MLIP: variants seen among roughly 807,000 people sequenced by gnomAD.
The protein encoded by MLIP is muscular LMNA-interacting protein.
Under a neutral mutation model 84.8 loss-of-function variants are expected in MLIP, and 79 were observed. The observed-to-expected ratio is 0.93, with a 90% CI of 0.78 to 1.12. The LOEUF is 1.12. MLIP is among the 50% of genes most tolerant of loss of function. MLIP has a pLI of 0.00. For synonymous variants in MLIP, 504 were observed against 463.0 expected (o/e 1.09, Z -1.14); for missense variants, 1,257 against 1,160.6 (o/e 1.08, Z -1.21).
At chr6:54,140,377 A>C (rs1315942085) in intron 4 of MLIP, among the ~76,000 whole-genome samples, 1 of 152,220 alleles carries the variant, frequency 6.6e-6, no homozygotes, top group African/African-American at 2.4e-5. Context: ...TGCACCCAAC[A>C]TTGAAAAATT....
At chr6:54,215,534 G>A in intron 11 of MLIP, 1 of 387,800 alleles carries the variant, frequency 2.6e-6, no homozygotes, top group Non-Finnish European at 3.9e-6. Flanking sequence ...TTTGATGTAT[G>A]TGTACATTGT....
intron 11 of MLIP, among the ~76,000 whole-genome samples, chr6:54,206,983 T>C (rs1179852588): frequency 6.6e-6 from 1 of 152,222 alleles, no homozygotes; most frequent in African/African-American, 2.4e-5. Context: ...GAGAAATATT[T>C]TGGGGTAAAT....
chr6:54,239,369 TA>T (rs1781574950), intron 12 of MLIP, among the ~76,000 whole-genome samples: 7 of 145,590 alleles, frequency 4.8e-5, no homozygotes, highest in South Asian at 4.3e-4. Flanking sequence ...ATATATATAA[TA>T]TATATATATA....
chr6:54,043,573 C>T (rs1294328160), intron 1 of MLIP: 1 of 152,274 alleles, frequency 6.6e-6, no homozygotes, highest in African/African-American at 2.4e-5. Flanking sequence ...AGTATGTTCT[C>T]TACCCACTTC....
At chr6:54,074,271 C>G (rs1766659042) in intron 1 of MLIP, among the ~76,000 whole-genome samples, 1 of 152,112 alleles carries the variant, frequency 6.6e-6, no homozygotes, top group Non-Finnish European at 1.5e-5. Context: ...CCTGCCTACA[C>G]CTTGCAGATG....
intron 5 of MLIP, among the ~76,000 whole-genome samples, chr6:54,157,547 C>T (rs1774157080): frequency 6.6e-6 from 1 of 152,070 alleles, no homozygotes; most frequent in Admixed American, 6.6e-5. Context: ...ATTGTGACCT[C>T]CATGTGGCCC....
intron 1 of MLIP, chr6:54,028,832 C>T (rs1763966883): frequency 6.6e-6 from 1 of 152,170 alleles, no homozygotes; most frequent in African/African-American, 2.4e-5. Flanking sequence ...TGGAATTTGT[C>T]TTCCTTGACT....
intron 1 of MLIP, among the ~76,000 whole-genome samples, chr6:54,044,586 T>C (rs1165069631): frequency 1.3e-5 from 2 of 152,334 alleles, no homozygotes; most frequent in East Asian, 3.9e-4. Flanking sequence ...CATGGCTGCT[T>C]TTGCCAATTT....
intron 1 of MLIP, among the ~76,000 whole-genome samples, chr6:54,040,355 G>C (rs1764673497): frequency 6.6e-6 from 1 of 151,920 alleles, no homozygotes; most frequent in South Asian, 2.1e-4. Flanking sequence ...TTTGAGGTAA[G>C]AGAGTAAATG....
intron 1 of MLIP, among the ~76,000 whole-genome samples, chr6:54,078,565 CAGAG>C (rs1766944213): frequency 6.6e-6 from 1 of 152,030 alleles, no homozygotes; most frequent in South Asian, 2.1e-4. Context: ...GCCTGGGCAA[CAGAG>C]AGAGACCCTG....
intron 13 of MLIP, 92 bp from the exon 14 acceptor site, chr6:54,265,852 TAGGAGA>T: frequency 4.5e-6 from 5 of 1,112,420 alleles, no homozygotes; most frequent in Admixed American, 2.2e-5. Context: ...CATTTTTTTG[TAGGAGA>T]TGCTATGCCC....
At chr6:54,158,482 T>C (rs761909823) in intron 5 of MLIP, among the ~76,000 whole-genome samples, 3 of 152,156 alleles carry the variant, frequency 2.0e-5, no homozygotes, top group Admixed American at 1.3e-4. Context: ...CCATGGCATA[T>C]ATTTTTTGTG....
intron 10 of MLIP, among the ~76,000 whole-genome samples, chr6:54,199,296 C>T (rs1778511487): frequency 1.3e-5 from 2 of 152,106 alleles, no homozygotes; most frequent in East Asian, 1.9e-4. Context: ...TCACACCAAA[C>T]ATGGATTTAA....
intron 13 of MLIP, among the ~76,000 whole-genome samples, chr6:54,264,166 G>T (rs1276099550): frequency 3.9e-5 from 6 of 152,030 alleles, no homozygotes; most frequent in Non-Finnish European, 8.8e-5. Flanking sequence ...AGGATGATCT[G>T]CCTATGGTGC....
rs376303712 is a variant in MLIP, at chr6:54,064,522, G to A, written c.63+45431G>A. Reference sequence around the variant, plus strand: ...CACCCCCTAAACACCCACCACCACCGCACCCCTGCCGTGGGAATCAAGGTC... The same window carrying A: ...CACCCCCTAAACACCCACCACCACCACACCCCTGCCGTGGGAATCAAGGTC... On this transcript the variant is annotated intron_variant, in intron 1 of 12. Coordinates refer to the MLIP transcript ENST00000274897. Among the ~76,000 whole-genome samples the A allele has an allele frequency of 1.1e-3, 110 of 99,706 alleles. 29 individuals carry two copies. The East Asian group carries it at 0.022, about 20-fold the overall frequency. The allele number at this position is 99,706 out of a possible 152,430, so 65.4% of individuals were successfully genotyped here.
At chr6:54,091,360 GAAAATTATGA>G (rs1193429133) in intron 1 of MLIP, among the ~76,000 whole-genome samples, 1 of 152,048 alleles carries the variant, frequency 6.6e-6, no homozygotes, top group Non-Finnish European at 1.5e-5. Flanking sequence ...GAAAATTATG[GAAAATTATGA>G]AATCTATATT....
intron 11 of MLIP, among the ~76,000 whole-genome samples, chr6:54,211,599 C>A (rs1779455216): frequency 6.6e-6 from 1 of 152,212 alleles, no homozygotes; most frequent in Non-Finnish European, 1.5e-5. Context: ...CTACTCTGTG[C>A]ATTTGTGAAA....
At chr6:54,031,329 A>T (rs1283383143) in intron 1 of MLIP, 2 of 152,082 alleles carry the variant, frequency 1.3e-5, no homozygotes, top group African/African-American at 2.4e-5. Context: ...TTTACTCCTT[A>T]TCCGAGAGCA....
At chr6:54,060,175 C>A (rs1266473766) in intron 1 of MLIP, among the ~76,000 whole-genome samples, 1 of 152,170 alleles carries the variant, frequency 6.6e-6, no homozygotes, top group African/African-American at 2.4e-5. Flanking sequence ...AGTCTAGATA[C>A]CTTCAGAGCT....
Sources: gnomAD v4.1 joint callset for allele counts (sites outside exome capture counted in the v4.1 genomes callset) on GRCh38, gnomAD v4.1.1 for gene constraint, MANE v1.5 for transcripts, NCBI Gene and HGNC (gene_info 2026-07-23, HGNC 2026-07-21) for gene names.